Variants in RBFOX1 observed in about 807,000 individuals in gnomAD.
RBFOX1 encodes the protein RNA binding protein fox-1 homolog 1.
RBFOX1 carries 8 observed loss-of-function variants against 57.7 expected under a neutral mutation model. That is an observed-to-expected ratio of 0.14 (90% CI 0.08 to 0.25). The LOEUF (loss-of-function observed/expected upper bound fraction) is 0.25. Ranked by LOEUF, RBFOX1 falls within the 10% of genes least tolerant of loss-of-function variation. RBFOX1 has a pLI of 1.00. For synonymous variants in RBFOX1, 326 were observed against 222.4 expected (o/e 1.47, Z -4.15); for missense variants, 611 against 548.5 (o/e 1.11, Z -1.14).
chr16:7,046,237 GGTGTGTGTGTGT>G (rs34943266), intron 3 of RBFOX1, among the ~76,000 whole-genome samples: 5 of 146,590 alleles, frequency 3.4e-5, no homozygotes, highest in African/African-American at 7.4e-5. Flanking sequence ...TAGGTAAAGG[GGTGTGTGTGTGT>G]GTGTGTGTGT....
At chr16:6,177,960 A>T (rs993319407) in intron 1 of RBFOX1, among the ~76,000 whole-genome samples, 3 of 150,376 alleles carry the variant, frequency 2.0e-5, no homozygotes, top group Admixed American at 2.0e-4. Flanking sequence ...ATTTATCCTG[A>T]AGATGGAGCC....
chr16:6,457,862 A>G (rs982758952), intron 2 of RBFOX1, among the ~76,000 whole-genome samples: 7 of 152,168 alleles, frequency 4.6e-5, no homozygotes, highest in African/African-American at 1.7e-4. Flanking sequence ...AGTGGCTATT[A>G]GTTTCTCCCC....
At chr16:5,710,185 A>G (rs964219565) in intron 3 of RBFOX1, among the ~76,000 whole-genome samples, 1 of 152,034 alleles carries the variant, frequency 6.6e-6, no homozygotes, top group Non-Finnish European at 1.5e-5. Context: ...CAAGGGTTAT[A>G]TGACAGTGGA....
intron 3 of RBFOX1, among the ~76,000 whole-genome samples, chr16:5,766,716 G>A (rs995169955): frequency 2.0e-5 from 3 of 152,138 alleles, no homozygotes; most frequent in African/African-American, 7.2e-5. Flanking sequence ...CACCTCCAAT[G>A]TTGGGGACCA....
intron 4 of RBFOX1, among the ~76,000 whole-genome samples, chr16:7,073,633 C>G (rs185118556): frequency 1.3e-5 from 2 of 152,026 alleles, no homozygotes. Context: ...CACTTGAGCC[C>G]AAGACTTCAA....
At chr16:5,884,822 C>G (rs1168163727) in intron 4 of RBFOX1, among the ~76,000 whole-genome samples, 1 of 152,034 alleles carries the variant, frequency 6.6e-6, no homozygotes. Flanking sequence ...TCTCAAGAGG[C>G]TCCATGAGGG....
intron 14 of RBFOX1, among the ~76,000 whole-genome samples, chr16:7,687,861 G>A (rs2076400201): frequency 2.0e-5 from 3 of 152,002 alleles, no homozygotes; most frequent in Admixed American, 1.3e-4. Flanking sequence ...TTCATACAGT[G>A]AGATGAGTTC....
chr16:6,827,185 C>A (rs116885693), intron 3 of RBFOX1, among the ~76,000 whole-genome samples: 106 of 142,200 alleles, frequency 7.5e-4, no homozygotes, highest in Non-Finnish European at 1.3e-3. Context: ...AAAATAAATC[C>A]ATTGTATTAG....
intron 2 of RBFOX1, among the ~76,000 whole-genome samples, chr16:6,433,812 C>G (rs1271995370): frequency 6.6e-6 from 1 of 151,586 alleles, no homozygotes; most frequent in African/African-American, 2.4e-5. Context: ...CATCACACCT[C>G]CTTTTCCTCT....
At chr16:6,110,333 T>C (rs2096431726) in intron 1 of RBFOX1, among the ~76,000 whole-genome samples, 1 of 152,050 alleles carries the variant, frequency 6.6e-6, no homozygotes, top group African/African-American at 2.4e-5. Flanking sequence ...AAATTGATGA[T>C]TGCTAGAGAA....
intron 3 of RBFOX1, among the ~76,000 whole-genome samples, chr16:6,978,778 C>G (rs897545836): frequency 6.6e-6 from 1 of 152,218 alleles, no homozygotes; most frequent in African/African-American, 2.4e-5. Flanking sequence ...TGGCCTGATT[C>G]TGGAGTTCAT....
At chr16:7,631,846 CA>C (rs1447890199) in intron 11 of RBFOX1, among the ~76,000 whole-genome samples, 1 of 152,150 alleles carries the variant, frequency 6.6e-6, no homozygotes, top group Non-Finnish European at 1.5e-5. Context: ...CACAGGGAAT[CA>C]AAAATATAAT....
intron 4 of RBFOX1, among the ~76,000 whole-genome samples, chr16:7,102,900 A>G (rs371212694): frequency 3.9e-4 from 60 of 152,172 alleles, no homozygotes; most frequent in African/African-American, 1.4e-3. Context: ...TGCTACAAGT[A>G]TATTGTGAGT....
At chr16:5,461,590 T>G (rs1199942754) in intron 1 of RBFOX1, among the ~76,000 whole-genome samples, 1 of 152,220 alleles carries the variant, frequency 6.6e-6, no homozygotes, top group Non-Finnish European at 1.5e-5. Context: ...AGAGTCTGCC[T>G]TAATCCTTGC....
At chr16:7,669,173 G>C (rs2070511090) in intron 13 of RBFOX1, among the ~76,000 whole-genome samples, 1 of 152,136 alleles carries the variant, frequency 6.6e-6, no homozygotes, top group South Asian at 2.1e-4. Context: ...CAAAGTGCTG[G>C]GATTACAGGT....
intron 5 of RBFOX1, among the ~76,000 whole-genome samples, chr16:7,525,884 C>G (rs2078591032): frequency 6.6e-6 from 1 of 152,182 alleles, no homozygotes; most frequent in South Asian, 2.1e-4. Context: ...TCACCCACAT[C>G]TTGTCTGCCT....
chr16:7,157,851 A>G (rs2077463239), intron 4 of RBFOX1, among the ~76,000 whole-genome samples: 2 of 152,206 alleles, frequency 1.3e-5, no homozygotes, highest in Admixed American at 6.5e-5. Context: ...AGTCTACTTC[A>G]GGGAGGACAA....
chr16:7,149,439 G>C (rs1198723125), intron 4 of RBFOX1, among the ~76,000 whole-genome samples: 1 of 151,150 alleles, frequency 6.6e-6, no homozygotes, highest in African/African-American at 2.4e-5. Context: ...TTCATGGATT[G>C]GTGCAAGCTT....
At chr16:6,233,080 T>C (rs1306370829) in intron 1 of RBFOX1, among the ~76,000 whole-genome samples, 2 of 152,136 alleles carry the variant, frequency 1.3e-5, no homozygotes, top group Admixed American at 1.3e-4. Flanking sequence ...TCTTGTAGTT[T>C]ACTGAGGCAG....
Sources: gnomAD v4.1 joint callset for allele counts (sites outside exome capture counted in the v4.1 genomes callset) on GRCh38, gnomAD v4.1.1 for gene constraint, MANE v1.5 for transcripts, NCBI Gene and HGNC (gene_info 2026-07-23, HGNC 2026-07-21) for gene names.